The following CADM2 variants were observed in gnomAD, a reference collection of about 807,000 sequenced individuals.
The protein encoded by CADM2 is immunoglobulin superfamily member 4D.
In CADM2, 12 loss-of-function variants were observed where a neutral mutation model predicts 49.8. The ratio of observed to expected loss-of-function variants is 0.24; its 90% confidence interval spans 0.15 to 0.39. The LOEUF is 0.39. Ranked by LOEUF, CADM2 falls within the 10% of genes least tolerant of loss-of-function variation. The probability of loss-of-function intolerance (pLI) is 1.00; values close to 1 mark genes in which losing one functional copy is unlikely to be tolerated. For missense variants in CADM2, 378 were observed against 492.3 expected, an observed-to-expected ratio of 0.77 and a Z score of 2.20; for synonymous variants, 214 against 175.4, an observed-to-expected ratio of 1.22 and a Z score of -1.74.
chr3:85,738,268 A>G (rs182689085), intron 2 of CADM2, among the ~76,000 whole-genome samples: 141 of 152,344 alleles, frequency 9.3e-4, no homozygotes, highest in Non-Finnish European at 1.5e-4. Flanking sequence ...TCCCCTAGAA[A>G]TAAAGATAGA....
intron 6 of CADM2, among the ~76,000 whole-genome samples, chr3:85,916,084 T>A (rs896495693): frequency 2.0e-5 from 3 of 152,182 alleles, no homozygotes; most frequent in Non-Finnish European, 4.4e-5. Context: ...TATATGAATC[T>A]AGCCTGTAAA....
chr3:85,567,895 A>G lies in CADM2; in HGVS notation c.62-158627A>G, dbSNP rs1017976856. Among the ~76,000 whole-genome samples, 3 of 152,184 alleles carry G rather than the reference A, an allele frequency of 2.0e-5. No individual in the cohort carries two copies. In the East Asian group the frequency reaches 5.8e-4, roughly 29 times the overall value. ...CTGGTAGAAGTGCTGGAGTCCAAGG[A>G]CTGGAAAGCCTGGAAGTCTAATGTG... On this transcript the variant is annotated intron_variant, in intron 1 of 9. Coordinates refer to ENST00000383699, the MANE Select transcript of CADM2 (RefSeq NM_001167675.2).
intron 1 of CADM2, among the ~76,000 whole-genome samples, chr3:85,088,154 T>C (rs2037454723): frequency 6.6e-6 from 1 of 152,184 alleles, no homozygotes; most frequent in South Asian, 2.1e-4. Context: ...ATAGATTCTA[T>C]ATACTTTTTT....
chr3:85,820,122 G>T (rs1250145188), intron 3 of CADM2, among the ~76,000 whole-genome samples: 3 of 152,018 alleles, frequency 2.0e-5, no homozygotes, highest in Non-Finnish European at 4.4e-5. Flanking sequence ...GTTGAAAGAA[G>T]AGCTCAGCCA....
At chr3:85,060,983 A>C (rs1346248811) in intron 1 of CADM2, among the ~76,000 whole-genome samples, 1 of 152,198 alleles carries the variant, frequency 6.6e-6, no homozygotes, top group Admixed American at 6.5e-5. Context: ...AGAATGCACA[A>C]AAATTCTTAC....
At chr3:86,039,620 G>A (rs1312194163) in intron 8 of CADM2, among the ~76,000 whole-genome samples, 1 of 152,180 alleles carries the variant, frequency 6.6e-6, no homozygotes, top group Non-Finnish European at 1.5e-5. Flanking sequence ...TGCAGCTCAA[G>A]GAGGCCTGCT....
At chr3:85,233,643 G>T (rs765474245) in intron 1 of CADM2, among the ~76,000 whole-genome samples, 2 of 152,112 alleles carry the variant, frequency 1.3e-5, no homozygotes, top group African/African-American at 2.4e-5. Context: ...ATATTAGACA[G>T]CGTAGATGAG....
At chr3:85,728,730 T>C (rs2067809168) in intron 2 of CADM2, among the ~76,000 whole-genome samples, 2 of 152,160 alleles carry the variant, frequency 1.3e-5, no homozygotes, top group Admixed American at 6.6e-5. Flanking sequence ...TTCTGGAATA[T>C]TGGAGAGAGG....
chr3:84,972,361 A>G (rs1405693721), intron 1 of CADM2, among the ~76,000 whole-genome samples: 4 of 152,222 alleles, frequency 2.6e-5, no homozygotes, highest in African/African-American at 9.6e-5. Context: ...TTAACTTTTT[A>G]TATCCATCTA....
chr3:85,513,093 G>C (rs1458573275), intron 1 of CADM2, among the ~76,000 whole-genome samples: 1 of 151,968 alleles, frequency 6.6e-6, no homozygotes, highest in East Asian at 1.9e-4. Flanking sequence ...TTCCAAAATA[G>C]AAGATTGCTT....
At chr3:85,072,094 C>A (rs6549013) in intron 1 of CADM2, among the ~76,000 whole-genome samples, 7,530 of 151,390 alleles carry the variant, frequency 0.05, 226 homozygotes, top group African/African-American at 0.069. Context: ...ACTGGGTAAT[C>A]TTCAATTATT....
chr3:85,522,803 T>G (rs1345859837), intron 1 of CADM2, among the ~76,000 whole-genome samples: 1 of 151,438 alleles, frequency 6.6e-6, no homozygotes, highest in African/African-American at 2.4e-5. Flanking sequence ...GTTTACAGAG[T>G]GATAGAAAGA....
intron 1 of CADM2, among the ~76,000 whole-genome samples, chr3:85,390,815 T>A (rs2107394760): frequency 6.6e-6 from 1 of 152,220 alleles, no homozygotes; most frequent in South Asian, 2.1e-4. Flanking sequence ...GCTCTGTGAA[T>A]TCCTGTACAT....
chr3:85,117,075 G>A (rs931376124), intron 1 of CADM2, among the ~76,000 whole-genome samples: 13 of 151,942 alleles, frequency 8.6e-5, no homozygotes, highest in South Asian at 2.1e-4. Context: ...ACAGAAATTA[G>A]CCAGGTATGG....
intron 8 of CADM2, among the ~76,000 whole-genome samples, chr3:85,985,227 G>T (rs972171575): frequency 1.4e-5 from 2 of 146,702 alleles, no homozygotes. Context: ...ACTCATAGAT[G>T]ATGACTTCTA....
At chr3:85,294,654 A>G (rs566349638) in intron 1 of CADM2, among the ~76,000 whole-genome samples, 258 of 151,848 alleles carry the variant, frequency 1.7e-3, no homozygotes, top group African/African-American at 5.7e-3. Flanking sequence ...CAACTATCTG[A>G]TCTTTGACAA....
chr3:85,028,596 T>C (rs1412375794), intron 1 of CADM2, among the ~76,000 whole-genome samples: 1 of 152,118 alleles, frequency 6.6e-6, no homozygotes, highest in Non-Finnish European at 1.5e-5. Flanking sequence ...CCTTTTGGAC[T>C]CCTCTGTTAA....
chr3:85,361,602 T>A (rs2032365821), intron 1 of CADM2, among the ~76,000 whole-genome samples: 1 of 152,180 alleles, frequency 6.6e-6, no homozygotes, highest in Non-Finnish European at 1.5e-5. Flanking sequence ...CACTCCCTGA[T>A]AGCCCAACAT....
intron 1 of CADM2, among the ~76,000 whole-genome samples, chr3:85,668,090 GT>G (rs1046723984): frequency 9.9e-5 from 15 of 151,780 alleles, no homozygotes; most frequent in African/African-American, 3.4e-4. Context: ...TTTATAGCAA[GT>G]TTTCCATATT....
Sources: gnomAD v4.1 joint callset for allele counts (sites outside exome capture counted in the v4.1 genomes callset) on GRCh38, gnomAD v4.1.1 for gene constraint, MANE v1.5 for transcripts, NCBI Gene and HGNC (gene_info 2026-07-23, HGNC 2026-07-21) for gene names.